DPYD: variants seen among roughly 807,000 people sequenced by gnomAD.
The protein encoded by DPYD is dihydropyrimidine dehydrogenase [NADP(+)].
Under a neutral mutation model 116.2 loss-of-function variants are expected in DPYD, and 109 were observed. The observed-to-expected ratio is 0.94, with a 90% CI of 0.80 to 1.10. The LOEUF (loss-of-function observed/expected upper bound fraction) is 1.10, where lower values mean the gene tolerates loss of function less well. DPYD is among the 50% of genes least tolerant of loss of function. DPYD has a pLI of 0.00. For missense variants in DPYD, 1,302 were observed against 1,254.5 expected, an observed-to-expected ratio of 1.04 and a Z score of -0.57; for synonymous variants, 440 against 432.0, an observed-to-expected ratio of 1.02 and a Z score of -0.23.
intron 2 of DPYD, among the ~76,000 whole-genome samples, chr1:97,845,692 C>T (rs915495091): frequency 3.3e-5 from 5 of 152,290 alleles, no homozygotes; most frequent in Non-Finnish European, 5.9e-5. Context: ...TCCTACTGCT[C>T]GCCAGGTTGT....
At position 97,619,585 on chromosome 1, in the gene DPYD, G is replaced by A. The variant is rs114554902; in HGVS notation, c.851-24419C>T. Among the ~76,000 whole-genome samples the A allele has an allele frequency of 6.8e-3, 1,040 of 152,168 alleles. 15 individuals are homozygous for A. The highest frequency in any genetic ancestry group is 0.024 in the African/African-American group (988 of 41,532). ...CTTTTATCAATGCAAGGGAAACACC[G>A]GTTACAAAGTTAATGTTAACGACCA... is the stretch of plus-strand genomic sequence containing the variant. On this transcript the variant is annotated intron_variant, in intron 8 of 22. Coordinates refer to ENST00000370192, the MANE Select transcript of DPYD (RefSeq NM_000110.4).
chr1:97,550,983 G>T (rs1651276755), intron 11 of DPYD, among the ~76,000 whole-genome samples: 1 of 152,154 alleles, frequency 6.6e-6, no homozygotes, highest in Non-Finnish European at 1.5e-5. Context: ...ACTGTTGATT[G>T]TGTTTTTCCC....
At chr1:97,540,893 T>A (rs1285120796) in intron 12 of DPYD, among the ~76,000 whole-genome samples, 2 of 152,040 alleles carry the variant, frequency 1.3e-5, no homozygotes, top group Admixed American at 1.3e-4. Flanking sequence ...ATTTTAGGAG[T>A]TGTATGCCAG....
intron 16 of DPYD, among the ~76,000 whole-genome samples, chr1:97,362,231 A>G (rs1391151641): frequency 6.6e-6 from 1 of 152,202 alleles, no homozygotes; most frequent in Non-Finnish European, 1.5e-5. Context: ...AATACCTAGG[A>G]ATGCAACTTA....
intron 18 of DPYD, among the ~76,000 whole-genome samples, chr1:97,252,602 G>C (rs1360169162): frequency 6.6e-6 from 1 of 152,136 alleles, no homozygotes; most frequent in Non-Finnish European, 1.5e-5. Context: ...CTAGAGCATG[G>C]TTTCCATGCC....
chr1:97,487,531 G>A (rs542032186), intron 13 of DPYD, among the ~76,000 whole-genome samples: 1 of 152,086 alleles, frequency 6.6e-6, no homozygotes, highest in African/African-American at 2.4e-5. Flanking sequence ...AAATTAGCCG[G>A]GTGTGGTGGC....
At chr1:97,207,112 A>G (rs1659694621) in intron 19 of DPYD, among the ~76,000 whole-genome samples, 1 of 152,106 alleles carries the variant, frequency 6.6e-6, no homozygotes, top group Non-Finnish European at 1.5e-5. Flanking sequence ...CTGGCATATG[A>G]CTTATTCAAT....
chr1:97,360,265 C>A (rs2101412554), intron 16 of DPYD, among the ~76,000 whole-genome samples: 1 of 152,302 alleles, frequency 6.6e-6, no homozygotes, highest in Admixed American at 6.5e-5. Flanking sequence ...AATAAATATG[C>A]ACCCAATACA....
chr1:97,117,723 T>C (rs1270001664), intron 20 of DPYD, among the ~76,000 whole-genome samples: 1 of 152,196 alleles, frequency 6.6e-6, no homozygotes, highest in East Asian at 1.9e-4. Flanking sequence ...TTAAAGTTGG[T>C]CAAGGTTCAT....
chr1:97,683,777 G>C (rs1205736198), intron 7 of DPYD, among the ~76,000 whole-genome samples: 3 of 151,722 alleles, frequency 2.0e-5, no homozygotes, highest in Non-Finnish European at 4.4e-5. Context: ...ATGCAAATAT[G>C]GCTAATAAAG....
intron 3 of DPYD, among the ~76,000 whole-genome samples, chr1:97,747,465 GATTGAGA>G (rs1446484945): frequency 6.6e-6 from 1 of 152,146 alleles, no homozygotes; most frequent in Non-Finnish European, 1.5e-5. Context: ...AGATGGTGGG[GATTGAGA>G]GTATGTACTT....
intron 10 of DPYD, among the ~76,000 whole-genome samples, chr1:97,585,032 C>T (rs914028823): frequency 2.0e-5 from 3 of 151,444 alleles, no homozygotes; most frequent in Non-Finnish European, 4.4e-5. Context: ...GTTGTATGTA[C>T]ATACGTAAAA....
chr1:97,646,649 T>G (rs942464099), intron 8 of DPYD, among the ~76,000 whole-genome samples: 9 of 152,130 alleles, frequency 5.9e-5, no homozygotes, highest in African/African-American at 2.2e-4. Context: ...GGTAAATTAA[T>G]TGCCTCTTTT....
In DPYD at chr1:97,201,907, C is replaced by CTT. The variant is rs56009010; in HGVS notation, c.2443-8661_2443-8660dup. 3.3e-3 allele frequency among the ~76,000 whole-genome samples: 464 copies of CTT among 142,362 alleles called. 3 individuals are homozygous for CTT. Among genetic ancestry groups the CTT allele is most frequent in the East Asian group, 0.022 (109 of 4,966 alleles). The allele number at this position is 142,362 out of a possible 152,430, so 93.4% of individuals were successfully genotyped here. A position where few individuals can be genotyped will look rare whatever the true frequency, so the allele number is the denominator to read the frequency against. ...TTATATTCTTAGGTCTCTCAAGCAG[C>CTT]TTTTTTTTTTTTTTTCCCAAAGTGA... On this transcript the variant is annotated intron_variant, in intron 19 of 22. Transcript: ENST00000370192.
intron 12 of DPYD, among the ~76,000 whole-genome samples, chr1:97,527,179 C>G (rs1045029765): frequency 3.3e-5 from 5 of 151,638 alleles, no homozygotes; most frequent in African/African-American, 4.9e-5. Context: ...CCCGGGTTCA[C>G]GCCATTTTCC....
At chr1:97,587,226 T>G (rs988564457) in intron 10 of DPYD, among the ~76,000 whole-genome samples, 7 of 152,338 alleles carry the variant, frequency 4.6e-5, no homozygotes, top group Non-Finnish European at 8.8e-5. Flanking sequence ...CTTTAATATC[T>G]TAGTACCAGG....
intron 8 of DPYD, among the ~76,000 whole-genome samples, chr1:97,648,266 G>C (rs1238252986): frequency 6.6e-6 from 1 of 151,952 alleles, no homozygotes; most frequent in Non-Finnish European, 1.5e-5. Context: ...ACCTTAGAAA[G>C]TATGACTATG....
Position 97,145,750 on chromosome 1 carries a change from T to G in DPYD, c.2623-47118A>C, listed in dbSNP as rs1654573092. Among the ~76,000 whole-genome samples, 5 of 151,872 alleles carry G rather than the reference T, an allele frequency of 3.3e-5. No homozygotes were observed. In the South Asian group the frequency reaches 6.2e-4, roughly 19 times the overall value. On this transcript the variant is annotated intron_variant, in intron 20 of 22. Transcript: ENST00000370192. The stretch of plus-strand genomic sequence containing the variant: ...CAGAAAAGAATTGTGTGGGTTTTTT[T>G]TTTTTTTTTTGGCATTGTTTGACTT...
At chr1:97,166,316 T>C (rs1204097005) in intron 20 of DPYD, among the ~76,000 whole-genome samples, 1 of 151,892 alleles carries the variant, frequency 6.6e-6, no homozygotes, top group East Asian at 1.9e-4. Context: ...CCGTTATCTT[T>C]AGAAAACTAA....
Sources: gnomAD v4.1 joint callset for allele counts (sites outside exome capture counted in the v4.1 genomes callset) on GRCh38, gnomAD v4.1.1 for gene constraint, MANE v1.5 for transcripts, NCBI Gene and HGNC (gene_info 2026-07-23, HGNC 2026-07-21) for gene names.